ABCB1: variants seen among roughly 807,000 people sequenced by gnomAD.
ABCB1 encodes the protein ATP binding cassette subfamily B member 1.
ABCB1 carries 69 observed loss-of-function variants against 142.0 expected under a neutral mutation model. The observed-to-expected ratio is 0.49, with a 90% CI of 0.40 to 0.59. The LOEUF (loss-of-function observed/expected upper bound fraction) is 0.59, where lower values mean the gene tolerates loss of function less well. Ranked by LOEUF, ABCB1 falls within the 20% of genes least tolerant of loss-of-function variation. The pLI is 0.00. For missense variants in ABCB1, 1,326 were observed against 1,554.7 expected, an observed-to-expected ratio of 0.85 and a Z score of 2.47; for synonymous variants, 532 against 539.2, an observed-to-expected ratio of 0.99 and a Z score of 0.18.
At chr7:87,573,711 T>C (rs1040454402) in intron 4 of ABCB1, among the ~76,000 whole-genome samples, 4 of 152,194 alleles carry the variant, frequency 2.6e-5, no homozygotes, top group African/African-American at 4.8e-5. Flanking sequence ...TGCCACAATA[T>C]ACACATGAAA....
At chr7:87,684,697 G>A (rs1178275408) in intron 1 of ABCB1, among the ~76,000 whole-genome samples, 1 of 133,308 alleles carries the variant, frequency 7.5e-6, no homozygotes, top group Non-Finnish European at 1.5e-5. Context: ...GCAGTGAGTC[G>A]AGATCGTGCC....
chr7:87,509,134 C>A, intron 26 of ABCB1, 141 bp downstream of exon 26: 1 of 825,756 alleles, frequency 1.2e-6, no homozygotes, highest in South Asian at 1.4e-5. Flanking sequence ...GGAAGTGTGG[C>A]CAGATGCTTG....
chr7:87,511,135 C>T (rs1333270351), intron 25 of ABCB1, among the ~76,000 whole-genome samples: 1 of 152,140 alleles, frequency 6.6e-6, no homozygotes, highest in African/African-American at 2.4e-5. Context: ...CCGCATAATA[C>T]CCTAGAATTG....
chr7:87,712,819 T>C (rs1006573553), intron 1 of ABCB1, among the ~76,000 whole-genome samples: 2 of 152,100 alleles, frequency 1.3e-5, no homozygotes, highest in African/African-American at 4.8e-5. Context: ...GTCATATATA[T>C]GTATCTGATA....
chr7:87,553,917 T>C lies in ABCB1; in HGVS notation c.843A>G (p.Leu281=). The C allele has an allele frequency of 6.2e-7, 1 of 1,613,770 alleles. No homozygotes were observed. The highest frequency in any genetic ancestry group is 8.5e-7 in the Non-Finnish European group (1 of 1,179,678). Residue 281 remains leucine (L), a synonymous_variant, in exon 9 of 28, where the codon TTA becomes TTG. Transcript: ENST00000622132. ...TTATCCCAATTCTTTTAGCTTCTTCTAAATTTTTGTTGTACCTGAGAAAAA... is the reference window on the plus strand; with the variant it reads ...TTATCCCAATTCTTTTAGCTTCTTCCAAATTTTTGTTGTACCTGAGAAAAA... ...KKELERYNKN[L]EEAKRIGIKK...
intron 1 of ABCB1, among the ~76,000 whole-genome samples, chr7:87,682,758 T>C (rs931817897): frequency 2.6e-5 from 4 of 152,206 alleles, no homozygotes; most frequent in Non-Finnish European, 5.9e-5. Flanking sequence ...AATTCTTAAA[T>C]ACCCTAGGAT....
intron 21 of ABCB1, chr7:87,522,086 G>T: frequency 8.2e-7 from 1 of 1,216,738 alleles, no homozygotes; most frequent in Non-Finnish European, 1.2e-6. Flanking sequence ...CGTGGAGGTA[G>T]TTTCGGTGGG....
At chr7:87,647,092 C>A (rs1480891839) in intron 1 of ABCB1, among the ~76,000 whole-genome samples, 1 of 152,128 alleles carries the variant, frequency 6.6e-6, no homozygotes, top group Non-Finnish European at 1.5e-5. Flanking sequence ...TTATATTTTC[C>A]ATTATCCCAT....
At chr7:87,675,737 T>C (rs1826289502) in intron 1 of ABCB1, among the ~76,000 whole-genome samples, 1 of 150,118 alleles carries the variant, frequency 6.7e-6, no homozygotes, top group African/African-American at 2.4e-5. Flanking sequence ...CTTTCTCTTA[T>C]ATCATACACA....
intron 3 of ABCB1, among the ~76,000 whole-genome samples, chr7:87,587,634 G>A (rs952624945): frequency 6.6e-6 from 1 of 152,100 alleles, no homozygotes; most frequent in African/African-American, 2.4e-5. Flanking sequence ...CACTTTGGGA[G>A]GCCAAGGCGG....
intron 7 of ABCB1, 63 bp downstream of exon 7, chr7:87,566,007 G>T: frequency 6.4e-7 from 1 of 1,567,130 alleles, no homozygotes; most frequent in Non-Finnish European, 8.8e-7. Flanking sequence ...AGACCTTTCC[G>T]TAGGGTGAGA....
chr7:87,700,430 C>G (rs770140692), intron 1 of ABCB1: 2 of 1,601,590 alleles, frequency 1.2e-6, no homozygotes, highest in Non-Finnish European at 1.7e-6. Flanking sequence ...GGTCAAGTAA[C>G]CTGGTTTGGT....
intron 21 of ABCB1, among the ~76,000 whole-genome samples, chr7:87,525,474 T>C (rs758902814): frequency 3.9e-5 from 6 of 152,104 alleles, no homozygotes; most frequent in Non-Finnish European, 7.4e-5. Context: ...TAACTACTAA[T>C]AGCCTGCTGT....
At chr7:87,654,504 G>A (rs1015761827) in intron 1 of ABCB1, among the ~76,000 whole-genome samples, 1 of 152,078 alleles carries the variant, frequency 6.6e-6, no homozygotes, top group Admixed American at 6.6e-5. Context: ...TTAATAAAGG[G>A]TGTTGAGACA....
Position 87,531,415 on chromosome 7 carries a change from C to A in ABCB1, c.2564G>T (p.Trp855Leu). Residue 855 changes from tryptophan to leucine, a missense_variant, in exon 21 of 28, where the codon TGG becomes TTG. Physicochemically the swap from Trp to Leu is moderately conservative, Grantham distance 61. Coordinates refer to ENST00000622132, the MANE Select transcript of ABCB1 (RefSeq NM_001348946.2). ...TGIIISFIYG[W>L]QLTLLLLAIV... The stretch of plus-strand genomic sequence containing the variant: ...TGCTAAGAGTAACAGTGTTAGTTGC[C>A]AACCATAGATGAAGGATATAATTAT... The A allele has an allele frequency of 6.2e-7, 1 of 1,613,456 alleles. No individual in the cohort carries two copies. The highest frequency in any genetic ancestry group is 8.5e-7 in the Non-Finnish European group (1 of 1,179,706).
At chr7:87,568,269 A>AAT (rs1817876502) in intron 5 of ABCB1, among the ~76,000 whole-genome samples, 1 of 30,160 alleles carries the variant, frequency 3.3e-5, no homozygotes, top group Non-Finnish European at 7.4e-5. Flanking sequence ...ATAATAATAA[A>AAT]AATTAGCCGG....
chr7:87,607,785 T>C (rs1819708609), intron 1 of ABCB1, among the ~76,000 whole-genome samples: 2 of 152,134 alleles, frequency 1.3e-5, no homozygotes. Context: ...TTGATCACTA[T>C]GTGGCAAGTA....
chr7:87,568,736 T>G (rs1262656578), intron 5 of ABCB1, among the ~76,000 whole-genome samples: 1 of 152,222 alleles, frequency 6.6e-6, no homozygotes, highest in Non-Finnish European at 1.5e-5. Context: ...CACTAAGTTT[T>G]AGTTAACAGA....
At chr7:87,516,224 T>C (rs1467069509) in intron 24 of ABCB1, among the ~76,000 whole-genome samples, 19 of 152,214 alleles carry the variant, frequency 1.2e-4, no homozygotes, top group African/African-American at 4.6e-4. Context: ...CCAGCCTGGA[T>C]GACAGAGTAA....
Sources: gnomAD v4.1 joint callset for allele counts (sites outside exome capture counted in the v4.1 genomes callset) on GRCh38, gnomAD v4.1.1 for gene constraint, MANE v1.5 for transcripts, NCBI Gene and HGNC (gene_info 2026-07-23, HGNC 2026-07-21) for gene names.